The following NPNT variants were observed in gnomAD, a reference collection of about 807,000 sequenced individuals.
NPNT encodes the protein nephronectin.
A neutral mutation model predicts 68.6 loss-of-function variants in NPNT; 45 were observed. The ratio of observed to expected loss-of-function variants is 0.66; its 90% confidence interval spans 0.52 to 0.84. The LOEUF is 0.84. Ranked by LOEUF, NPNT falls within the 40% of genes least tolerant of loss-of-function variation. The pLI, the probability that NPNT is intolerant of heterozygous loss-of-function variation, is 0.00. For missense variants in NPNT, 672 were observed against 714.8 expected, an observed-to-expected ratio of 0.94 and a Z score of 0.68; for synonymous variants, 233 against 253.3, an observed-to-expected ratio of 0.92 and a Z score of 0.76.
intron 2 of NPNT, among the ~76,000 whole-genome samples, chr4:105,906,168 A>G (rs1404219375): frequency 1.3e-5 from 2 of 152,208 alleles, no homozygotes; most frequent in Non-Finnish European, 2.9e-5. Context: ...TTTGGCTACT[A>G]GCTTCTGGTA....
rs753410692 is a variant in NPNT, at chr4:105,959,027, G to A, written c.1247-1G>A. 3.1e-6 allele frequency: 5 copies of A among 1,587,884 alleles called. No homozygotes were observed. The highest frequency in any genetic ancestry group is 3.5e-6 in the Non-Finnish European group (4 of 1,156,320). On this transcript the variant is annotated splice_acceptor_variant, in intron 9 of 11. Transcript: ENST00000379987. LOFTEE classifies it high-confidence loss of function. ...TCATCTTTCTGATTATTTCCTTGTAGGTGTTCTGGTACACAGTTGTAATTT... is the reference window on the plus strand; with the variant it reads ...TCATCTTTCTGATTATTTCCTTGTAAGTGTTCTGGTACACAGTTGTAATTT...
chr4:105,970,346 T>C lies in NPNT; in HGVS notation c.*1356T>C. On this transcript the variant is annotated 3_prime_UTR_variant, in exon 12 of 12. Coordinates refer to ENST00000379987, the MANE Select transcript of NPNT (RefSeq NM_001033047.3). ...CATTCCTGAGGTTTGTCTTAATTTC[T>C]GATTAAGTAATCAGAATATTTTCTG... is the stretch of plus-strand genomic sequence containing the variant. 1.5e-6 allele frequency: 1 copy of C among 682,070 alleles called. No individual in the cohort carries two copies. Among genetic ancestry groups the C allele is most frequent in the South Asian group, 1.6e-5 (1 of 63,682 alleles). 42.3% of individuals were successfully genotyped at this position (682,070 alleles called of 1,614,324 possible).
chr4:105,942,115 G>GTATATA (rs1345363227), intron 7 of NPNT, among the ~76,000 whole-genome samples, 192 bp from the exon 8 acceptor site: 2 of 72,252 alleles, frequency 2.8e-5, no homozygotes, highest in Non-Finnish European at 6.0e-5. Flanking sequence ...CTGTGTGTGT[G>GTATATA]TATATATATA....
chr4:105,942,808 A>G (rs748454730), intron 8 of NPNT, 106 bp downstream of exon 8: 4 of 1,100,360 alleles, frequency 3.6e-6, no homozygotes, highest in Non-Finnish European at 3.9e-6. Context: ...AGAACTAGCT[A>G]TGTAAAGTCG....
Position 105,942,308 on chromosome 4 carries a change from T to C in NPNT, c.765T>C (p.Tyr255=). Residue 255 remains tyrosine, a splice_region_variant and synonymous_variant, in exon 8 of 12, where the codon TAT becomes TAC. Transcript: ENST00000379987. ...GATTTAAGTCTTTGACTCTTTCAGA[T>C]ATCCCAAAAGTTATGATTGAACCTT... ...GYQGDGLTCV[Y]IPKVMIEPSG... is the part of the protein sequence containing the mutation. The C allele has an allele frequency of 6.3e-7, 1 of 1,586,976 alleles. No homozygotes were observed. The highest frequency in any genetic ancestry group is 8.6e-7 in the Non-Finnish European group (1 of 1,162,644).
At chr4:105,922,859 G>A (rs534434615) in intron 2 of NPNT, among the ~76,000 whole-genome samples, 89 of 152,218 alleles carry the variant, frequency 5.8e-4, no homozygotes, top group African/African-American at 1.7e-3. Context: ...TCTATCATTC[G>A]TTGATTATCT....
At chr4:105,946,989 G>T (rs111559401) in intron 8 of NPNT, among the ~76,000 whole-genome samples, 1 of 152,082 alleles carries the variant, frequency 6.6e-6, no homozygotes, top group African/African-American at 2.4e-5. Context: ...TATCTCAACC[G>T]CATGAGACAG....
chr4:105,932,136 A>G (rs1729162963), intron 3 of NPNT, among the ~76,000 whole-genome samples: 1 of 152,198 alleles, frequency 6.6e-6, no homozygotes, highest in South Asian at 2.1e-4. Flanking sequence ...TAAATCATAC[A>G]TTTGTGCATA....
chr4:105,937,111 C>G lies in NPNT; in HGVS notation c.368C>G (p.Pro123Arg). 6.2e-7 allele frequency: 1 copy of G among 1,613,408 alleles called. No individual in the cohort carries two copies. Among genetic ancestry groups the G allele is most frequent in the Non-Finnish European group, 8.5e-7 (1 of 1,179,612 alleles). Reference protein sequence around the residue: ...CYCLNGYMLMPDGSCSSALTC... With the variant: ...CYCLNGYMLMRDGSCSSALTC... ...TGTCTCAACGGATATATGCTCATGC[C>G]GGATGGTTCCTGCTCAAGTATGTCA... is the stretch of plus-strand genomic sequence containing the variant. Residue 123 changes from proline to arginine, a missense_variant, in exon 4 of 12, where the codon CCG becomes CGG. Transcript: ENST00000379987.
chr4:105,906,358 A>G (rs915908336), intron 2 of NPNT, among the ~76,000 whole-genome samples: 6 of 152,238 alleles, frequency 3.9e-5, no homozygotes, highest in Non-Finnish European at 7.3e-5. Context: ...CAACATTCCT[A>G]TCATGAAGCC....
intron 9 of NPNT, chr4:105,958,790 T>C (rs1212839839): frequency 1.9e-6 from 1 of 539,894 alleles, no homozygotes; most frequent in Non-Finnish European, 3.3e-6. Flanking sequence ...TCATATTTTA[T>C]AAGTGATGAT....
chr4:105,935,921 ATAT>A (rs1214461810), intron 3 of NPNT, among the ~76,000 whole-genome samples: 2 of 152,236 alleles, frequency 1.3e-5, no homozygotes, highest in African/African-American at 2.4e-5. Context: ...GTCACTAGAC[ATAT>A]TATCTATATT....
At chr4:105,923,203 G>A (rs1382226372) in intron 2 of NPNT, among the ~76,000 whole-genome samples, 2 of 152,144 alleles carry the variant, frequency 1.3e-5, no homozygotes, top group Non-Finnish European at 2.9e-5. Flanking sequence ...ACATTACAGT[G>A]GAGTGTGTTA....
intron 10 of NPNT, 124 bp downstream of exon 10, chr4:105,959,250 A>C: frequency 1.6e-6 from 1 of 635,746 alleles, no homozygotes; most frequent in Non-Finnish European, 2.8e-6. Context: ...AGATGGTCAA[A>C]AAGGACCATG....
intron 8 of NPNT, among the ~76,000 whole-genome samples, chr4:105,953,191 C>T (rs1316702887): frequency 2.0e-5 from 3 of 152,116 alleles, no homozygotes; most frequent in East Asian, 1.9e-4. Context: ...ATCCTGTCTC[C>T]GGGCAGTGTC....
intron 10 of NPNT, among the ~76,000 whole-genome samples, chr4:105,960,811 C>T (rs2149404718): frequency 6.6e-6 from 1 of 151,830 alleles, no homozygotes; most frequent in Non-Finnish European, 1.5e-5. Context: ...TATGACAGTC[C>T]TAGCTTATTT....
At position 105,895,613 on chromosome 4, in the gene NPNT, C is replaced by A; in HGVS notation, c.-40C>A. ...GCGCCCACCACCCCAACCTGTTCCTCGCGCGCCACTGCGCTGCGCCCCAGG... is the reference window on the plus strand; with the variant it reads ...GCGCCCACCACCCCAACCTGTTCCTAGCGCGCCACTGCGCTGCGCCCCAGG... On this transcript the variant is annotated 5_prime_UTR_variant, in exon 1 of 12. Transcript: ENST00000379987. 2.0e-6 allele frequency: 3 copies of A among 1,528,176 alleles called. 1 individual carries two copies. The South Asian group carries it at 3.6e-5, about 18-fold the overall frequency. 94.7% of individuals were successfully genotyped at this position (1,528,176 alleles called of 1,614,324 possible).
intron 8 of NPNT, among the ~76,000 whole-genome samples, chr4:105,948,447 G>T (rs1578662354): frequency 6.6e-6 from 1 of 152,062 alleles, no homozygotes; most frequent in African/African-American, 2.4e-5. Flanking sequence ...GTAAAATTGA[G>T]GGAATATTCC....
chr4:105,930,025 C>T (rs1039970376), intron 3 of NPNT, among the ~76,000 whole-genome samples: 8 of 152,142 alleles, frequency 5.3e-5, no homozygotes, highest in Admixed American at 3.3e-4. Flanking sequence ...GATTTTACAC[C>T]TGCAAAAATA....
Sources: allele counts gnomAD v4.1 joint callset (sites outside exome capture counted in the v4.1 genomes callset), GRCh38; gene constraint gnomAD v4.1.1; transcripts MANE v1.5; gene names NCBI Gene and HGNC (gene_info 2026-07-23, HGNC 2026-07-21).